Variants in MKRN1 observed in about 807,000 individuals in gnomAD.
The protein encoded by MKRN1 is makorin ring finger protein 1, also known as E3 ubiquitin-protein ligase makorin-1.
A neutral mutation model predicts 55.5 loss-of-function variants in MKRN1; 9 were observed. The ratio of observed to expected loss-of-function variants is 0.16; its 90% CI spans 0.10 to 0.28. MKRN1 has a LOEUF of 0.28. Ranked by LOEUF, MKRN1 falls within the 10% of genes least tolerant of loss-of-function variation. The pLI, the probability that MKRN1 is intolerant of heterozygous loss-of-function variation, is 1.00. For missense variants in MKRN1, 488 were observed against 626.7 expected (o/e 0.78, Z 2.36); for synonymous variants, 253 against 235.9 (o/e 1.07, Z -0.66).
At chr7:140,464,736 T>C in intron 2 of MKRN1, among the ~76,000 whole-genome samples, 1 of 150,012 alleles carries the variant, frequency 6.7e-6, no homozygotes, top group South Asian at 2.1e-4. Flanking sequence ...CAAAACTCCC[T>C]GGTTTAAAAG....
chr7:140,455,761 C>G, intron 6 of MKRN1, 29 bp downstream of exon 6: 2 of 1,544,734 alleles, frequency 1.3e-6, no homozygotes, highest in Non-Finnish European at 1.8e-6. Flanking sequence ...TTGGGCTCTT[C>G]GCTTGAGAAA....
At chr7:140,479,090 C>T in intron 1 of MKRN1, 70 bp downstream of exon 1, 1 of 1,252,796 alleles carries the variant, frequency 8.0e-7, no homozygotes, top group Non-Finnish European at 1.0e-6. Flanking sequence ...CCGCCCTCCT[C>T]CCTCCCGCGC....
chr7:140,460,137 C>T, intron 2 of MKRN1: 1 of 570,102 alleles, frequency 1.8e-6, no homozygotes, highest in Non-Finnish European at 3.2e-6. Context: ...ATCCCAACTA[C>T]TCGGGAGGCT....
At chr7:140,465,599 C>T (rs1794743159) in intron 2 of MKRN1, among the ~76,000 whole-genome samples, 1 of 152,140 alleles carries the variant, frequency 6.6e-6, no homozygotes, top group Non-Finnish European at 1.5e-5. Flanking sequence ...ATATGCAAAA[C>T]AGTCCCGAGC....
intron 4 of MKRN1, among the ~76,000 whole-genome samples, chr7:140,457,437 A>C (rs1041789159): frequency 2.0e-5 from 3 of 152,180 alleles, no homozygotes; most frequent in African/African-American, 7.2e-5. Flanking sequence ...TTAACTTATA[A>C]AAAACATGAT....
intron 2 of MKRN1, among the ~76,000 whole-genome samples, chr7:140,469,739 C>G (rs1482840653): frequency 6.6e-6 from 1 of 151,834 alleles, no homozygotes; most frequent in Admixed American, 6.6e-5. Flanking sequence ...ATAGTGAAAC[C>G]CCGTCTCTAC....
At chr7:140,459,448 A>C (rs1794556208) in intron 3 of MKRN1, among the ~76,000 whole-genome samples, 1 of 152,104 alleles carries the variant, frequency 6.6e-6, no homozygotes, top group South Asian at 2.1e-4. Flanking sequence ...TTCTTTATCT[A>C]TGTCTTGGGT....
chr7:140,459,933 A>G lies in MKRN1; in HGVS notation c.318T>C (p.Tyr106=). Residue 106 remains tyrosine, a synonymous_variant, in exon 3 of 8, where the codon TAT becomes TAC. Coordinates refer to ENST00000255977, the MANE Select transcript of MKRN1 (RefSeq NM_013446.4). ...GYCIYGDRCR[Y]EHSKPLKQEE... ...CCTGTTTCAATGGTTTGCTATGTTC[A>G]TATCTAAGAAAAAATTCAAAAGTAA... 1.9e-6 allele frequency: 3 copies of G among 1,611,928 alleles called. No individual in the cohort carries two copies. The highest frequency in any genetic ancestry group is 1.7e-6 in the Non-Finnish European group (2 of 1,178,256).
In MKRN1 at chr7:140,478,799, G is replaced by T. The variant is rs147984240; in HGVS notation, c.185+361C>A. 4.3e-3 allele frequency: 723 copies of T among 168,050 alleles called. 2 individuals carry two copies. The highest frequency in any genetic ancestry group is 6.6e-3 in the Non-Finnish European group (516 of 78,612). The allele number at this position is 168,050 out of a possible 1,614,324, so 10.4% of individuals were successfully genotyped here. ...GCCCCGGGAGCCGGAGGCAGCGGCGGGGGCATCCTTCCAGCGGCAGGGGAG... is the reference window on the plus strand; with the variant it reads ...GCCCCGGGAGCCGGAGGCAGCGGCGTGGGCATCCTTCCAGCGGCAGGGGAG... On this transcript the variant is annotated intron_variant, in intron 1 of 7. Transcript: ENST00000255977.
In MKRN1 at chr7:140,456,062, T is replaced by C. The variant is rs970607521; in HGVS notation, c.987-162A>G. ...ATACTGTCACACAACTGACCATTTC[T>C]TTCAAGCAAGGCAACCTCCTTTATA... On this transcript the variant is annotated intron_variant, in intron 5 of 7. Transcript: ENST00000255977. 6.2e-6 allele frequency: 6 copies of C among 966,726 alleles called. No homozygotes were observed. In the Admixed American group the frequency reaches 1.9e-4, roughly 31 times the overall value. The allele number at this position is 966,726 out of a possible 1,614,324, so 59.9% of individuals were successfully genotyped here.
At chr7:140,455,761 C>A in intron 6 of MKRN1, 29 bp downstream of exon 6, 3 of 1,544,734 alleles carry the variant, frequency 1.9e-6, no homozygotes, top group Non-Finnish European at 2.7e-6. Context: ...TTGGGCTCTT[C>A]GCTTGAGAAA....
intron 1 of MKRN1, 133 bp downstream of exon 1, chr7:140,479,027 G>C: frequency 9.0e-7 from 1 of 1,107,876 alleles, no homozygotes; most frequent in Non-Finnish European, 1.1e-6. Flanking sequence ...GAGGGCTGCA[G>C]AGATCGAGAC....
At chr7:140,470,046 CAAAAAAAAAAAA>C (rs35753653) in intron 2 of MKRN1, among the ~76,000 whole-genome samples, 1 of 51,102 alleles carries the variant, frequency 2.0e-5, no homozygotes, top group Non-Finnish European at 3.2e-5. Context: ...GGCTCTGTCT[CAAAAAAAAAAAA>C]AAAAAAAAAA....
intron 2 of MKRN1, among the ~76,000 whole-genome samples, chr7:140,460,664 A>G (rs1338633701): frequency 1.3e-5 from 2 of 152,174 alleles, no homozygotes; most frequent in Admixed American, 1.3e-4. Context: ...TTGTGAGTGC[A>G]GAGAGAAGCC....
chr7:140,478,945 A>G (rs1224632774), intron 1 of MKRN1: 2 of 456,622 alleles, frequency 4.4e-6, no homozygotes, highest in Non-Finnish European at 6.8e-6. Context: ...CTCCGCGGAC[A>G]GCGCTGAGGG....
intron 1 of MKRN1, 190 bp from the exon 2 acceptor site, chr7:140,472,201 A>T: frequency 1.4e-6 from 1 of 697,830 alleles, no homozygotes; most frequent in Non-Finnish European, 2.3e-6. Context: ...TGAGTGGCTC[A>T]CCTGAGGTCA....
At position 140,455,758 on chromosome 7, in the gene MKRN1, C is replaced by T. The variant is rs150864182; in HGVS notation, c.1097+32G>A. On this transcript the variant is annotated intron_variant, in intron 6 of 7. Coordinates refer to ENST00000255977, the MANE Select transcript of MKRN1 (RefSeq NM_013446.4). ...AAGTGAACCCAAGCTCTGTTGGGCT[C>T]TTCGCTTGAGAAAAGGCTGCAGTGC... 3.8e-5 allele frequency: 58 copies of T among 1,544,286 alleles called. No homozygotes were observed. The African/African-American group carries it at 7.1e-4, about 19-fold the overall frequency.
Position 140,459,690 on chromosome 7 carries a change from T to C in MKRN1, c.544+17A>G, listed in dbSNP as rs772834153. 2 of 1,608,564 alleles carry C rather than the reference T, an allele frequency of 1.2e-6. No homozygotes were observed. The highest frequency in any genetic ancestry group is 4.5e-5 in the East Asian group (2 of 44,832). The stretch of plus-strand genomic sequence containing the variant: ...ATCCAGCCCTCTAACTCTTATTTTC[T>C]TCTTCAGAATACTTACTACGGCCAC... On this transcript the variant is annotated intron_variant, in intron 3 of 7. Coordinates refer to ENST00000255977, the MANE Select transcript of MKRN1 (RefSeq NM_013446.4).
In MKRN1 at chr7:140,472,189, G is replaced by A. The variant is rs1406609572; in HGVS notation, c.186-178C>T. Reference sequence around the variant, plus strand: ...AATCCCAGTACCTTTGGGAGGCTGAGGTGAGTGGCTCACCTGAGGTCAGGG... The same window carrying A: ...AATCCCAGTACCTTTGGGAGGCTGAAGTGAGTGGCTCACCTGAGGTCAGGG... On this transcript the variant is annotated intron_variant, in intron 1 of 7. Coordinates refer to ENST00000255977, the MANE Select transcript of MKRN1 (RefSeq NM_013446.4). The A allele has an allele frequency of 1.1e-5, 9 of 820,062 alleles. No individual in the cohort carries two copies. The African/African-American group carries it at 1.2e-4, about 11-fold the overall frequency. The allele number at this position is 820,062 out of a possible 1,614,324, so 50.8% of individuals were successfully genotyped here. A position where few individuals can be genotyped will look rare whatever the true frequency, so the allele number is the denominator to read the frequency against.
Sources: allele counts gnomAD v4.1 joint callset (sites outside exome capture counted in the v4.1 genomes callset), GRCh38; gene constraint gnomAD v4.1.1; transcripts MANE v1.5; gene names NCBI Gene and HGNC (gene_info 2026-07-23, HGNC 2026-07-21).